Variants in CYP4F3 observed in about 807,000 individuals in gnomAD.
The protein encoded by CYP4F3 is cytochrome P450 4F3.
CYP4F3 carries 50 observed loss-of-function variants against 54.8 expected under a neutral mutation model. The observed-to-expected ratio is 0.91, with a 90% confidence interval of 0.73 to 1.16. The LOEUF is 1.16. Ranked by LOEUF, CYP4F3 falls within the 50% of genes most tolerant of loss-of-function variation. CYP4F3 has a pLI of 0.00. For missense variants in CYP4F3, 715 were observed against 676.2 expected, an observed-to-expected ratio of 1.06 and a Z score of -0.64; for synonymous variants, 244 against 262.6, an observed-to-expected ratio of 0.93 and a Z score of 0.69.
Position 15,644,107 on chromosome 19 carries a change from C to A in CYP4F3, c.199-1612C>A, listed in dbSNP as rs367764115. ...TATGGTGCATTTGAGGCCTGCAAGTCCCTCTATCCCCAAGCCGTGTGTGGC... is the reference window on the plus strand; with the variant it reads ...TATGGTGCATTTGAGGCCTGCAAGTACCTCTATCCCCAAGCCGTGTGTGGC... On this transcript the variant is annotated intron_variant, in intron 2 of 12. Transcript: ENST00000221307. The A allele has an allele frequency of 2.7e-6, 4 of 1,464,582 alleles. No homozygotes were observed. The South Asian group carries it at 5.7e-5, about 21-fold the overall frequency. 90.7% of individuals were successfully genotyped at this position (1,464,582 alleles called of 1,614,324 possible). A position where few individuals can be genotyped will look rare whatever the true frequency, so the allele number is the denominator to read the frequency against.
At chr19:15,643,821 C>G in intron 2 of CYP4F3, 1 of 1,372,956 alleles carries the variant, frequency 7.3e-7, no homozygotes, top group Non-Finnish European at 9.4e-7. Context: ...GACGGATGAT[C>G]AACTATCTGG....
At chr19:15,658,443 C>A (rs4646513) in intron 10 of CYP4F3, 46 bp downstream of exon 10, 625,835 of 1,613,314 alleles carry the variant, frequency 0.39, 127,174 homozygotes, top group East Asian at 0.65. Context: ...GGAAGAGGGG[C>A]CCCTCAGGCA....
chr19:15,643,827 T>G, intron 2 of CYP4F3: 3 of 1,382,222 alleles, frequency 2.2e-6, no homozygotes, highest in Non-Finnish European at 2.8e-6. Context: ...TGATCAACTA[T>G]CTGGGCATCC....
At chr19:15,651,372 CTT>C (rs55874846) in intron 7 of CYP4F3, among the ~76,000 whole-genome samples, 56 of 118,502 alleles carry the variant, frequency 4.7e-4, no homozygotes, top group Admixed American at 5.0e-4. Flanking sequence ...ATATCTTTGT[CTT>C]TTTTTTTTTT....
intron 5 of CYP4F3, 148 bp downstream of exon 5, chr19:15,647,472 A>C: frequency 7.2e-7 from 1 of 1,387,726 alleles, no homozygotes; most frequent in Admixed American, 2.3e-5. Context: ...TAAAATCCCT[A>C]CTTAAAAGAA....
intron 7 of CYP4F3, among the ~76,000 whole-genome samples, chr19:15,650,529 T>A (rs1210857422): frequency 6.6e-6 from 1 of 152,232 alleles, no homozygotes. Flanking sequence ...TTTGTGTCTC[T>A]CTCTATGACT....
rs1007533224 is a variant in CYP4F3 at position 15,661,226 on chromosome 19, C to G, written c.*1841C>G. 1 of 151,996 alleles carries G rather than the reference C, an allele frequency of 6.6e-6. No homozygotes were observed. The highest frequency in any genetic ancestry group is 2.4e-5 in the African/African-American group (1 of 41,388). The allele number at this position is 151,996 out of a possible 1,614,324, so 9.4% of individuals were successfully genotyped here. On this transcript the variant is annotated 3_prime_UTR_variant, in exon 13 of 13. Transcript: ENST00000221307. ...GCAGTGAGCTGAGGTGGTGCCACTA[C>G]GCTCCAGCCTGGGGGAGGGGGACAT...
intron 7 of CYP4F3, chr19:15,650,430 A>G (rs1972761062): frequency 2.9e-6 from 2 of 695,458 alleles, no homozygotes; most frequent in Non-Finnish European, 2.3e-6. Context: ...CTAATTGGCC[A>G]CCTTTTAATC....
intron 7 of CYP4F3, 137 bp downstream of exon 7, chr19:15,650,320 G>A (rs746749899): frequency 6.4e-7 from 1 of 1,550,890 alleles, no homozygotes; most frequent in East Asian, 2.3e-5. Context: ...ACAGGTCAGA[G>A]ATAGGTTTTG....
At chr19:15,652,157 T>A (rs1366269620) in intron 7 of CYP4F3, among the ~76,000 whole-genome samples, 1 of 152,156 alleles carries the variant, frequency 6.6e-6, no homozygotes, top group East Asian at 1.9e-4. Context: ...ACAACTCAAA[T>A]GTCTCCAGGG....
chr19:15,649,134 C>G, intron 5 of CYP4F3, 26 bp from the exon 6 acceptor site: 2 of 1,612,510 alleles, frequency 1.2e-6, no homozygotes, highest in Non-Finnish European at 1.7e-6. Context: ...GGGACCTGCC[C>G]CAGCTCTGTC....
chr19:15,654,083 AG>A (rs1477811823), intron 9 of CYP4F3, among the ~76,000 whole-genome samples: 1 of 96,094 alleles, frequency 1.0e-5, no homozygotes, highest in Non-Finnish European at 2.6e-5. Context: ...AAGCCAGGCC[AG>A]GGGCTGGAGG....
At chr19:15,650,700 C>CTT (rs1173605843) in intron 7 of CYP4F3, among the ~76,000 whole-genome samples, 1 of 59,424 alleles carries the variant, frequency 1.7e-5, no homozygotes, top group Non-Finnish European at 2.9e-5. Flanking sequence ...TTCTTTCTTT[C>CTT]TTTCTTTCTT....
At chr19:15,650,799 C>CTTTCTTCTTTCTTTCTTTCTT (rs1204809069) in intron 7 of CYP4F3, among the ~76,000 whole-genome samples, 1 of 17,088 alleles carries the variant, frequency 5.9e-5, no homozygotes, top group African/African-American at 3.2e-4. Context: ...TTCTTTCTTT[C>CTTTCTTCTTTCTTTCTTTCTT]TCTCTCTTCT....
At chr19:15,647,973 T>G (rs1477153705) in intron 5 of CYP4F3, among the ~76,000 whole-genome samples, 2 of 152,112 alleles carry the variant, frequency 1.3e-5, no homozygotes, top group Non-Finnish European at 2.9e-5. Flanking sequence ...TTTACCACAT[T>G]GTATTTTGAC....
rs767898542 is a variant in CYP4F3, at chr19:15,652,644, C to A, written c.985+9C>A. On this transcript the variant is annotated intron_variant, in intron 8 of 12. Transcript: ENST00000221307. ...CACCTTTATGTTTGAGGGTGAGGGC[C>A]CCAGTGTGGGGCTAGAGTGGGGACT... is the stretch of plus-strand genomic sequence containing the variant. 1 of 1,614,066 alleles carries A rather than the reference C, an allele frequency of 6.2e-7. No homozygotes were observed. Among genetic ancestry groups the A allele is most frequent in the Non-Finnish European group, 8.5e-7 (1 of 1,179,988 alleles).
chr19:15,647,783 G>A (rs1272443245), intron 5 of CYP4F3, among the ~76,000 whole-genome samples: 1 of 152,222 alleles, frequency 6.6e-6, no homozygotes, highest in African/African-American at 2.4e-5. Flanking sequence ...TGTTGGCTGA[G>A]TTCTCTCACA....
chr19:15,644,872 G>A (rs541291705), intron 2 of CYP4F3, among the ~76,000 whole-genome samples: 1 of 152,294 alleles, frequency 6.6e-6, no homozygotes, highest in East Asian at 1.9e-4. Flanking sequence ...GTGACTCTGG[G>A]CTGGTTCCCA....
chr19:15,642,781 G>A (rs184675909), intron 2 of CYP4F3, among the ~76,000 whole-genome samples: 9 of 151,372 alleles, frequency 5.9e-5, no homozygotes, highest in Admixed American at 3.9e-4. Context: ...CACAGATAGG[G>A]TGAATAGATG....
Sources: gnomAD v4.1 joint callset for allele counts (sites outside exome capture counted in the v4.1 genomes callset) on GRCh38, gnomAD v4.1.1 for gene constraint, MANE v1.5 for transcripts, NCBI Gene and HGNC (gene_info 2026-07-23, HGNC 2026-07-21) for gene names.